The following YBX1 variants were observed in gnomAD, a reference collection of about 807,000 sequenced individuals.
YBX1 encodes the protein Y-box-binding protein 1.
A neutral mutation model predicts 41.4 loss-of-function variants in YBX1; 3 were observed. The observed-to-expected ratio is 0.07, with a 90% CI of 0.03 to 0.19. YBX1 has a LOEUF of 0.19. Among genes scored for constraint, YBX1 ranks in the 10% least tolerant of loss-of-function variants. YBX1 has a pLI of 1.00. For missense variants in YBX1, 274 were observed against 462.8 expected, an observed-to-expected ratio of 0.59 and a Z score of 3.74; for synonymous variants, 133 against 165.8, an observed-to-expected ratio of 0.80 and a Z score of 1.52.
rs1650470158 is a variant in YBX1 at position 42,696,756 on chromosome 1, A to G, written c.469A>G (p.Asn157Asp). ...RYPRRRGPPR[N>D]YQQNYQNSES... ...TCCACGTCGTAGGGGTCCTCCACGCAATTACCAGCAAAATTACCAGAATAG... is the reference window on the plus strand; with the variant it reads ...TCCACGTCGTAGGGGTCCTCCACGCGATTACCAGCAAAATTACCAGAATAG... Residue 157 changes from asparagine (N) to aspartate (D), a missense_variant, in exon 5 of 8, where the codon AAT becomes GAT. Around this residue, in one of 3 missense-constraint regions of YBX1, gnomAD observed 187 missense variants for 306.3 expected, o/e 0.61. Transcript: ENST00000321358. This position sits in a 1 kb window ranked among gnomAD's most constrained non-coding sequence, Gnocchi z 5.7. The G allele has an allele frequency of 6.2e-7, 1 of 1,613,848 alleles. No homozygotes were observed. The highest frequency in any genetic ancestry group is 8.5e-7 in the Non-Finnish European group (1 of 1,179,852).
rs372618527 is a variant in YBX1, at chr1:42,699,070, G to A, written c.741-1711G>A. Among the ~76,000 whole-genome samples, 19 of 152,262 alleles carry A rather than the reference G, an allele frequency of 1.2e-4. No homozygotes were observed. The East Asian group carries it at 2.9e-3, about 23-fold the overall frequency. On this transcript the variant is annotated intron_variant, in intron 6 of 7. Coordinates refer to ENST00000321358, the MANE Select transcript of YBX1 (RefSeq NM_004559.5). Reference sequence around the variant, plus strand: ...GTCAAAAAGGGAGGTTTTTTGTTGAGAAATAACATTTATAGGCTGAAATGC... The same window carrying A: ...GTCAAAAAGGGAGGTTTTTTGTTGAAAAATAACATTTATAGGCTGAAATGC...
At position 42,702,756 on chromosome 1, in the gene YBX1, G is replaced by T. The variant is rs1326680622; in HGVS notation, c.*807G>T. Among the ~76,000 whole-genome samples the T allele has an allele frequency of 1.3e-5, 2 of 152,150 alleles. No homozygotes were observed. The highest frequency in any genetic ancestry group is 1.3e-4 in the Admixed American group (2 of 15,270). On this transcript the variant is annotated 3_prime_UTR_variant, in exon 8 of 8. Transcript: ENST00000321358. ...ATTGAAGATGCCAATTGAAGTGTTA[G>T]GACAACCTGTCACACTGCCTGGTGT... is the stretch of plus-strand genomic sequence containing the variant.
intron 2 of YBX1, among the ~76,000 whole-genome samples, chr1:42,690,138 C>T (rs911067987): frequency 6.6e-6 from 1 of 151,720 alleles, no homozygotes; most frequent in Admixed American, 6.6e-5. Context: ...ACTTGAACCC[C>T]GAAGGCAGAG....
chr1:42,692,815 C>T (rs143887915), intron 2 of YBX1, among the ~76,000 whole-genome samples: 1 of 152,332 alleles, frequency 6.6e-6, no homozygotes, highest in Non-Finnish European at 1.5e-5. Flanking sequence ...TTCTCTACCC[C>T]CTCGCTTCTG....
At chr1:42,698,064 C>CTTT (rs1444745076) in intron 6 of YBX1, among the ~76,000 whole-genome samples, 1 of 152,148 alleles carries the variant, frequency 6.6e-6, no homozygotes, top group African/African-American at 2.4e-5. Flanking sequence ...TAAATCGCAA[C>CTTT]TTTTAAATCC....
In YBX1 at chr1:42,682,873, C is replaced by T. The variant is rs558721192; in HGVS notation, c.166+142C>T. Reference sequence around the variant, plus strand: ...CGGCCGCCCATCCCCCCCGTCCCCCCCTCACTCCCTCTCGCGGGGACCCGC... The same window carrying T: ...CGGCCGCCCATCCCCCCCGTCCCCCTCTCACTCCCTCTCGCGGGGACCCGC... On this transcript the variant is annotated intron_variant, in intron 1 of 7. Coordinates refer to ENST00000321358, the MANE Select transcript of YBX1 (RefSeq NM_004559.5). 27 of 347,796 alleles carry T rather than the reference C, an allele frequency of 7.8e-5. 1 individual carries two copies. The East Asian group carries it at 1.3e-3, about 17-fold the overall frequency. The allele number at this position is 347,796 out of a possible 1,614,324, so 21.5% of individuals were successfully genotyped here. A position where few individuals can be genotyped will look rare whatever the true frequency, so the allele number is the denominator to read the frequency against.
At chr1:42,686,119 T>G (rs1369531493) in intron 2 of YBX1, among the ~76,000 whole-genome samples, 1 of 152,232 alleles carries the variant, frequency 6.6e-6, no homozygotes, top group Non-Finnish European at 1.5e-5. Context: ...TTGATCCATA[T>G]TCACCAAAGA....
chr1:42,701,789 G>A (rs1187610795), intron 7 of YBX1, among the ~76,000 whole-genome samples, 192 bp from the exon 8 acceptor site: 1 of 152,116 alleles, frequency 6.6e-6, no homozygotes, highest in Non-Finnish European at 1.5e-5. Flanking sequence ...CGAGAGGTAC[G>A]TGATTGTTGT....
intron 6 of YBX1, among the ~76,000 whole-genome samples, chr1:42,698,495 G>C (rs1218551472): frequency 1.3e-5 from 2 of 152,218 alleles, no homozygotes; most frequent in Non-Finnish European, 2.9e-5. Flanking sequence ...CAGTCCATCT[G>C]TTAAGTCCAT....
chr1:42,700,724 G>T, intron 6 of YBX1, 57 bp from the exon 7 acceptor site: 1 of 1,480,846 alleles, frequency 6.8e-7, no homozygotes, highest in South Asian at 1.2e-5. Context: ...TTACACTGGT[G>T]GGTGTGTTGA....
intron 1 of YBX1, chr1:42,683,093 G>A (rs1472620498): frequency 1.1e-5 from 6 of 546,160 alleles, no homozygotes; most frequent in African/African-American, 6.0e-5. Flanking sequence ...TGTGCTCGGA[G>A]GGCGCGGCGC....
At chr1:42,697,121 G>A (rs1650480250) in intron 5 of YBX1, 59 bp from the exon 6 acceptor site, 2 of 1,566,964 alleles carry the variant, frequency 1.3e-6, no homozygotes, top group East Asian at 4.5e-5. Context: ...GATTTATCTG[G>A]TTGGGTTTTT....
chr1:42,685,914 A>T (rs1333274748), intron 2 of YBX1, among the ~76,000 whole-genome samples: 1 of 152,258 alleles, frequency 6.6e-6, no homozygotes, highest in African/African-American at 2.4e-5. Context: ...GGTGCTAAGT[A>T]ACATGAGCAT....
At chr1:42,683,130 C>G (rs545895331) in intron 1 of YBX1, 1 of 619,316 alleles carries the variant, frequency 1.6e-6, no homozygotes, top group Non-Finnish European at 3.0e-6. Flanking sequence ...GGAGCGGCTT[C>G]CCCTTCCCTC....
intron 1 of YBX1, 128 bp downstream of exon 1, chr1:42,682,859 C>T (rs1570411981): frequency 2.8e-6 from 1 of 352,684 alleles, no homozygotes; most frequent in Admixed American, 5.5e-5. Flanking sequence ...GGCCGCCCAT[C>T]CCCCCCGTCC....
At position 42,698,856 on chromosome 1, in the gene YBX1, C is replaced by T. The variant is rs1650524261; in HGVS notation, c.740+1594C>T. 7.2e-5 allele frequency among the ~76,000 whole-genome samples: 11 copies of T among 152,284 alleles called. 1 individual carries two copies. The South Asian group carries it at 2.3e-3, about 32-fold the overall frequency. On this transcript the variant is annotated intron_variant, in intron 6 of 7. Transcript: ENST00000321358. ...TTGGAAGTTATCAATGAATGCTAGA[C>T]TTTCCAAACTGTGCAGGAATCTTTT...
At chr1:42,698,804 A>G (rs543217185) in intron 6 of YBX1, among the ~76,000 whole-genome samples, 11 of 152,352 alleles carry the variant, frequency 7.2e-5, no homozygotes, top group East Asian at 1.9e-4. Context: ...GTCCTGCCAG[A>G]TAGTTGCAGA....
At chr1:42,690,694 T>C (rs1302486013) in intron 2 of YBX1, among the ~76,000 whole-genome samples, 1 of 152,220 alleles carries the variant, frequency 6.6e-6, no homozygotes, top group African/African-American at 2.4e-5. Context: ...AGCTTGTTCA[T>C]ACCTCTCATC....
chr1:42,683,527 C>G, intron 2 of YBX1, 61 bp downstream of exon 2: 1 of 1,596,352 alleles, frequency 6.3e-7, no homozygotes, highest in Non-Finnish European at 8.6e-7. Context: ...GCTCTGTCGG[C>G]TTCTCGGGGC....
Sources: gnomAD v4.1 joint callset for allele counts (sites outside exome capture counted in the v4.1 genomes callset) on GRCh38, gnomAD v4.1.1 for gene constraint, gnomAD v4.1.1 regional missense constraint, Gnocchi (gnomAD v3.1) non-coding constraint, MANE v1.5 for transcripts, NCBI Gene and HGNC (gene_info 2026-07-23, HGNC 2026-07-21) for gene names.